The following INF2 variants were observed in gnomAD, a reference collection of about 807,000 sequenced individuals.
INF2 encodes the protein inverted formin 2.
In INF2, 43 loss-of-function variants were observed where a neutral mutation model predicts 123.5. That is an observed-to-expected ratio of 0.35 (90% confidence interval 0.27 to 0.45). The LOEUF (loss-of-function observed/expected upper bound fraction) is 0.45, where lower values mean the gene tolerates loss of function less well. Among genes scored for constraint, INF2 ranks in the 20% least tolerant of loss-of-function variants. INF2 has a pLI of 1.00. For missense variants in INF2, 1,453 were observed against 1,682.7 expected (o/e 0.86, Z 2.39); for synonymous variants, 851 against 745.0 (o/e 1.14, Z -2.32).
chr14:104,718,774 C>A, intron 22 of INF2, 21 bp from the exon 23 acceptor site: 1 of 1,612,624 alleles, frequency 6.2e-7, no homozygotes, highest in South Asian at 1.1e-5. Flanking sequence ...CTAATAATGT[C>A]ATTTTTTCTC....
rs201853087 is a variant in INF2 at position 104,708,473 on chromosome 14, C to T, written c.1773C>T (p.Asp591=). The T allele has an allele frequency of 6.4e-5, 104 of 1,612,508 alleles. No homozygotes were observed. The African/African-American group carries it at 1.2e-3, about 18-fold the overall frequency. ...NSMWASLSSP[D]AEAVEPDFSS... ...TGTGGGCGTCCCTGAGCAGCCCCGA[C>T]GCCGAGGCTGTGGAGCCCGACTTCT... is the stretch of plus-strand genomic sequence containing the variant. The change falls in exon 9 of 23, where the codon GAC becomes GAT. Residue 591 remains aspartate (D), a synonymous_variant. Coordinates refer to ENST00000392634, the MANE Select transcript of INF2 (RefSeq NM_022489.4).
intron 20 of INF2, among the ~76,000 whole-genome samples, chr14:104,713,900 T>C (rs1251044205): frequency 6.6e-6 from 1 of 152,212 alleles, no homozygotes; most frequent in Non-Finnish European, 1.5e-5. Context: ...ACCGATGCCC[T>C]TGGGCTCAGA....
intron 3 of INF2, 29 bp downstream of exon 3, chr14:104,703,249 A>G (rs367677202): frequency 1.0e-4 from 164 of 1,612,894 alleles, no homozygotes; most frequent in Non-Finnish European, 1.3e-4. Context: ...GCCTGGGCAC[A>G]TGGGGCTCCC....
At chr14:104,710,807 C>T (rs748376613) in intron 13 of INF2, 130 bp from the exon 14 acceptor site, 31 of 757,310 alleles carry the variant, frequency 4.1e-5, no homozygotes, top group Non-Finnish European at 5.7e-5. Context: ...GTGATCCTTC[C>T]GGTGCTGGGC....
Position 104,719,006 on chromosome 14 carries a change from C to T in INF2, c.*213C>T. On this transcript the variant is annotated 3_prime_UTR_variant, in exon 23 of 23. Transcript: ENST00000392634. ...ACCAGTGCCCTGCCAGGCCTGGTGC[C>T]CTCCTGGACCGCCTGCACGTGCCAG... The T allele has an allele frequency of 8.3e-7, 1 of 1,203,760 alleles. No individual in the cohort carries two copies. The allele number at this position is 1,203,760 out of a possible 1,614,324, so 74.6% of individuals were successfully genotyped here.
Position 104,707,977 on chromosome 14 carries a change from G to T in INF2, c.1710G>T (p.Gln570His). Residue 570 changes from glutamine (Q) to histidine (H), a missense_variant, in exon 8 of 23, where the codon CAG (glutamine) becomes CAT (histidine). By Grantham distance (24) the Gln-to-His change is conservative. This residue lies in a region of INF2 where 192 missense variants were observed against 274.4 expected (regional missense o/e 0.70). Coordinates refer to ENST00000392634, the MANE Select transcript of INF2 (RefSeq NM_022489.4). The stretch of plus-strand genomic sequence containing the variant: ...TGCGCATGAAGAAGCTGAACTGGCA[G>T]AAGCTGCCATCCAACGTGGCACGTG... ...PTLRMKKLNW[Q>H]KLPSNVAREH... is the part of the protein sequence containing the mutation. The T allele has an allele frequency of 6.3e-7, 1 of 1,598,330 alleles. No individual in the cohort carries two copies. Among genetic ancestry groups the T allele is most frequent in the Non-Finnish European group, 8.5e-7 (1 of 1,179,738 alleles).
chr14:104,711,144 G>A lies in INF2; in HGVS notation c.2376G>A (p.Lys792=), dbSNP rs1186010964. 8 of 1,575,500 alleles carry A rather than the reference G, an allele frequency of 5.1e-6. No homozygotes were observed. The African/African-American group carries it at 9.5e-5, about 19-fold the overall frequency. Residue 792 remains lysine (K), a synonymous_variant, in exon 15 of 23, where the codon AAG becomes AAA. Transcript: ENST00000392634. ...ISTLLKLTET[K]SQQNRVTLLH... is the part of the protein sequence containing the mutation. ...CATTGCTGAAGCTCACGGAGACCAA[G>A]TCCCAGCAGAACCGCGTGACGCTGC...
chr14:104,707,010 T>C lies in INF2; in HGVS notation c.944T>C (p.Leu315Pro), dbSNP rs1389968441. Residue 315 changes from leucine (L) to proline (P), a missense_variant, in exon 7 of 23, where the codon CTG becomes CCG. Coordinates refer to ENST00000392634, the MANE Select transcript of INF2 (RefSeq NM_022489.4). ...LRSSQLLWEA[L>P]ESLVNRAVLL... ...TCCAGCCAGCTGCTCTGGGAGGCCC[T>C]GGAGAGCCTCGTGAACCGGGCCGTG... 2 of 1,593,726 alleles carry C rather than the reference T, an allele frequency of 1.3e-6. No homozygotes were observed. The highest frequency in any genetic ancestry group is 8.5e-7 in the Non-Finnish European group (1 of 1,176,880).
chr14:104,689,784 T>C, intron 1 of INF2, 45 bp downstream of exon 1: 1 of 971,016 alleles, frequency 1.0e-6, no homozygotes, highest in Non-Finnish European at 1.2e-6. Flanking sequence ...CAGGGGAAAC[T>C]GAGTCCGGGA....
At chr14:104,712,633 C>T (rs780426636) in intron 17 of INF2, 80 bp downstream of exon 17, 1 of 1,599,698 alleles carries the variant, frequency 6.3e-7, no homozygotes, top group Non-Finnish European at 8.5e-7. Context: ...GTGCTGTCTC[C>T]TGGCTCCAGG....
In INF2 at chr14:104,707,818, C is replaced by G. The variant is rs765287447; in HGVS notation, c.1551C>G (p.Pro517=). The part of the protein sequence containing the change: ...LPGMGWGPPP[P]PPPLLPCTCS... ...GTATGGGCTGGGGCCCTCCTCCACCCCCACCTCCACTACTGCCCTGCACCT... is the reference window on the plus strand; with the variant it reads ...GTATGGGCTGGGGCCCTCCTCCACCGCCACCTCCACTACTGCCCTGCACCT... The change falls in exon 8 of 23, where the codon CCC becomes CCG. Residue 517 remains proline (P), a synonymous_variant. Coordinates refer to ENST00000392634, the MANE Select transcript of INF2 (RefSeq NM_022489.4). The G allele has an allele frequency of 1.5e-5, 24 of 1,571,860 alleles. No individual in the cohort carries two copies. The highest frequency in any genetic ancestry group is 2.7e-5 in the African/African-American group (2 of 73,786).
chr14:104,689,587 T>TACAAC, upstream of INF2: 6 of 851,052 alleles, frequency 7.1e-6, no homozygotes, highest in Non-Finnish European at 8.4e-6. Context: ...CACCTCCTCT[T>TACAAC]CCTCCCGCCC....
upstream of INF2, among the ~76,000 whole-genome samples, chr14:104,688,678 T>C (rs956749715): frequency 6.6e-6 from 1 of 152,212 alleles, no homozygotes; most frequent in African/African-American, 2.4e-5. Context: ...GCAGGGGTTG[T>C]GTCTGCTCTG....
At chr14:104,689,580 C>A, upstream of INF2, 2 of 929,324 alleles carry the variant, frequency 2.2e-6, no homozygotes, top group Non-Finnish European at 2.6e-6. Context: ...GGGGCGGCAC[C>A]TCCTCTTCCT....
At chr14:104,681,163 T>A (rs1369603237) in exon 1 of INF2, 1 of 275,484 alleles carries the variant, frequency 3.6e-6, no homozygotes, top group Non-Finnish European at 7.3e-6. Flanking sequence ...CTGTGAAGGA[T>A]CCACAGACTG....
chr14:104,681,428 C>G, exon 1 of INF2: 1 of 540,906 alleles, frequency 1.8e-6, no homozygotes, highest in South Asian at 1.5e-5. Flanking sequence ...ACATCTGGCT[C>G]TCAGAGCTGG....
upstream of INF2, among the ~76,000 whole-genome samples, chr14:104,686,091 G>C (rs115726943): frequency 0.015 from 2,189 of 150,268 alleles, 63 homozygotes; most frequent in African/African-American, 0.052. Flanking sequence ...ATCAGTCGGT[G>C]GGTAGGTGGT....
chr14:104,721,302 C>T lies in INF2; in HGVS notation c.*2509C>T, dbSNP rs1890549197. 1 of 133,798 alleles carries T rather than the reference C, an allele frequency of 7.5e-6. No homozygotes were observed. The highest frequency in any genetic ancestry group is 3.0e-5 in the African/African-American group (1 of 33,630). The allele number at this position is 133,798 out of a possible 1,614,324, so 8.3% of individuals were successfully genotyped here. A position where few individuals can be genotyped will look rare whatever the true frequency, so the allele number is the denominator to read the frequency against. On this transcript the variant is annotated 3_prime_UTR_variant, in exon 23 of 23. Coordinates refer to ENST00000392634, the MANE Select transcript of INF2 (RefSeq NM_022489.4). ...ATGCTGCTGTGGACGTCTGCGTAGT[C>T]TCGTGTGGATGCTGCTGTGGACGTC...
rs1451824650 is a variant in INF2 at position 104,721,972 on chromosome 14, G to T, written c.*3179G>T. On this transcript the variant is annotated 3_prime_UTR_variant, in exon 23 of 23. Coordinates refer to ENST00000392634, the MANE Select transcript of INF2 (RefSeq NM_022489.4). The stretch of plus-strand genomic sequence containing the variant: ...CTGTGTGCGATGGTCCCACTGGGAG[G>T]TGTGGCCCCCAAAGAGTGGAACCCA... The T allele has an allele frequency of 6.6e-6, 1 of 152,336 alleles. No homozygotes were observed. The highest frequency in any genetic ancestry group is 1.9e-4 in the East Asian group (1 of 5,202). 9.4% of individuals were successfully genotyped at this position (152,336 alleles called of 1,614,324 possible). A position where few individuals can be genotyped will look rare whatever the true frequency, so the allele number is the denominator to read the frequency against.
Sources: gnomAD v4.1 joint callset for allele counts (sites outside exome capture counted in the v4.1 genomes callset) on GRCh38, gnomAD v4.1.1 for gene constraint, gnomAD v4.1.1 regional missense constraint, MANE v1.5 for transcripts, NCBI Gene and HGNC (gene_info 2026-07-23, HGNC 2026-07-21) for gene names.